Variants in USP42 observed in about 807,000 individuals in gnomAD.
USP42 encodes the protein ubiquitin carboxyl-terminal hydrolase 42.
In USP42, 23 loss-of-function variants were observed where a neutral mutation model predicts 113.0. The observed-to-expected ratio is 0.20, with a 90% CI of 0.15 to 0.29. The LOEUF is 0.29. USP42 is among the 10% of genes least tolerant of loss of function. USP42 has a pLI of 1.00. For synonymous variants in USP42, 933 were observed against 699.0 expected (o/e 1.33, Z -5.28); for missense variants, 2,174 against 1,779.8 (o/e 1.22, Z -3.99).
chr7:6,149,498 G>A, intron 12 of USP42, 85 bp from the exon 13 acceptor site: 3 of 1,467,968 alleles, frequency 2.0e-6, no homozygotes, highest in Non-Finnish European at 2.7e-6. Context: ...AAAGCAAAAT[G>A]GGAAGGACCC....
In USP42 at chr7:6,155,008, C is replaced by G; in HGVS notation, c.3454C>G (p.His1152Asp). The G allele has an allele frequency of 6.4e-7, 1 of 1,564,622 alleles. No homozygotes were observed. Among genetic ancestry groups the G allele is most frequent in the Non-Finnish European group, 8.7e-7 (1 of 1,154,278 alleles). The stretch of plus-strand genomic sequence containing the variant: ...CAACTGTAACCTCTCTGATCGGTTT[C>G]ACGAACACGAAAATGGAAAGTCCCG... ...GDNCNLSDRF[H>D]EHENGKSRKR... The change falls in exon 15 of 18, where the codon CAC becomes GAC. Residue 1152 changes from histidine to aspartate, a missense_variant. Transcript: ENST00000306177.
At position 6,156,964 on chromosome 7, in the gene USP42, T is replaced by C; in HGVS notation, c.3852T>C (p.Pro1284=). The change falls in exon 16 of 18, where the codon CCT becomes CCC. Residue 1284 remains proline (P), a synonymous_variant. Coordinates refer to ENST00000306177, the MANE Select transcript of USP42 (RefSeq NM_032172.3). The part of the protein sequence containing the change: ...QGGFPLSGGP[P]LEGVGPFREK... ...GCTTTCCTCTCTCTGGTGGCCCGCC[T>C]CTGGAAGGCGTCGGACCTTTCCGTG... 6.2e-7 allele frequency: 1 copy of C among 1,613,826 alleles called. No homozygotes were observed. The highest frequency in any genetic ancestry group is 8.5e-7 in the Non-Finnish European group (1 of 1,179,818).
rs1432872547 is a variant in USP42, at chr7:6,157,757, G to A, written c.3943+702G>A. ...TTTGCTCGCTTGGTTCCTTAGAAGCGTGGGCACCAGCCTCTGCTTGAGTGA... is the reference window on the plus strand; with the variant it reads ...TTTGCTCGCTTGGTTCCTTAGAAGCATGGGCACCAGCCTCTGCTTGAGTGA... On this transcript the variant is annotated intron_variant, in intron 16 of 17. Transcript: ENST00000306177. This position sits in a 1 kb window ranked among gnomAD's most constrained non-coding sequence, Gnocchi z 4.1. Among the ~76,000 whole-genome samples, 1 of 152,192 alleles carries A rather than the reference G, an allele frequency of 6.6e-6. No individual in the cohort carries two copies. Among genetic ancestry groups the A allele is most frequent in the South Asian group, 2.1e-4 (1 of 4,828 alleles).
chr7:6,095,035 G>A, the USP42 span, among the ~76,000 whole-genome samples: 7 of 151,244 alleles, frequency 4.6e-5, no homozygotes, highest in East Asian at 1.2e-3. Flanking sequence ...GGATCTGCCC[G>A]TCTGGGCCTC....
chr7:6,120,650 C>G lies in USP42; in HGVS notation c.442+5127C>G, dbSNP rs142567972. Among the ~76,000 whole-genome samples, 126 of 152,358 alleles carry G rather than the reference C, an allele frequency of 8.3e-4. 1 individual carries two copies. The highest frequency in any genetic ancestry group is 1.5e-3 in the Non-Finnish European group (104 of 68,036). On this transcript the variant is annotated intron_variant, in intron 3 of 17. Transcript: ENST00000306177. ...CCAGGCTGGAGTGCAGTGGCACAATCTCGGCTCACTGCACCCTCTGCCTTC... is the reference window on the plus strand; with the variant it reads ...CCAGGCTGGAGTGCAGTGGCACAATGTCGGCTCACTGCACCCTCTGCCTTC...
In USP42 at chr7:6,154,509, C is replaced by A. The variant is rs1456679000; in HGVS notation, c.2955C>A (p.Pro985=). The change falls in exon 15 of 18, where the codon CCC becomes CCA. Residue 985 remains proline, a synonymous_variant. Coordinates refer to ENST00000306177, the MANE Select transcript of USP42 (RefSeq NM_032172.3). ...GHRHRRRRTC[P]RERDRQDRHA... ...GTCACCGGCGGCGCCGCACCTGCCC[C>A]CGGGAGCGCGACCGCCAGGACCGCC... 3.2e-6 allele frequency: 5 copies of A among 1,541,970 alleles called. No individual in the cohort carries two copies. Among genetic ancestry groups the A allele is most frequent in the Non-Finnish European group, 4.4e-6 (5 of 1,143,994 alleles).
upstream of USP42, among the ~76,000 whole-genome samples, chr7:6,101,871 G>A (rs1790136667): frequency 6.7e-6 from 1 of 149,312 alleles, no homozygotes; most frequent in Non-Finnish European, 1.5e-5. Context: ...TTGAGGCCAG[G>A]AGTTCGAGTC....
chr7:6,150,139 C>T lies in USP42; in HGVS notation c.1943C>T (p.Pro648Leu), dbSNP rs765785263. 105 of 1,613,342 alleles carry T rather than the reference C, an allele frequency of 6.5e-5. No homozygotes were observed. Among genetic ancestry groups the T allele is most frequent in the Admixed American group, 3.5e-4 (21 of 59,920 alleles). Residue 648 changes from proline (P) to leucine (L), a missense_variant, in exon 13 of 18, where the codon CCG (proline) becomes CTG (leucine). Physicochemically the swap from Pro to Leu is moderately conservative, Grantham distance 98. Transcript: ENST00000306177. ...GQDAEDEEAT[P>L]HELQEPMTLN... is the part of the protein sequence containing the mutation. ...GATGCCGAAGATGAGGAGGCCACTCCGCACGAGCTTCAAGAACCCATGACC... is the reference window on the plus strand; with the variant it reads ...GATGCCGAAGATGAGGAGGCCACTCTGCACGAGCTTCAAGAACCCATGACC...
At chr7:6,144,305 A>G in intron 9 of USP42, 109 bp downstream of exon 9, 1 of 677,882 alleles carries the variant, frequency 1.5e-6, no homozygotes. Context: ...AAAATTGCTA[A>G]CTATTACCTA....
intron 1 of USP42, 90 bp from the exon 2 acceptor site, chr7:6,111,035 G>T (rs1024227064): frequency 1.0e-5 from 14 of 1,337,208 alleles, no homozygotes; most frequent in Admixed American, 2.7e-5. Flanking sequence ...CTTTAAAATG[G>T]CTGGAATGAT....
At chr7:6,120,032 C>G (rs1780129430) in intron 3 of USP42, among the ~76,000 whole-genome samples, 1 of 152,186 alleles carries the variant, frequency 6.6e-6, no homozygotes, top group Non-Finnish European at 1.5e-5. Context: ...GTGGCGCTGT[C>G]TCGGCTCACT....
intron 3 of USP42, among the ~76,000 whole-genome samples, chr7:6,119,284 G>T (rs1312853136): frequency 6.6e-6 from 1 of 152,084 alleles, no homozygotes; most frequent in Non-Finnish European, 1.5e-5. Context: ...TGTAGCCTGG[G>T]CAACATTGTG....
Position 6,159,845 on chromosome 7 carries a change from C to T in USP42, c.*36+352C>T, listed in dbSNP as rs1181803458. On this transcript the variant is annotated intron_variant, in intron 17 of 17. Transcript: ENST00000306177. The surrounding 1 kb of genome is among the most constrained non-coding windows in gnomAD (Gnocchi z 4.1). ...ACATCTGGGAAGGGAGAGGCCCGGT[C>T]CCCAGCACAGGCACCTCACTCAGGA... Among the ~76,000 whole-genome samples, 1 of 152,238 alleles carries T rather than the reference C, an allele frequency of 6.6e-6. No individual in the cohort carries two copies. The highest frequency in any genetic ancestry group is 6.5e-5 in the Admixed American group (1 of 15,284).
At position 6,116,980 on chromosome 7, in the gene USP42, TCCTC is replaced by T. The variant is rs979384454; in HGVS notation, c.442+1469_442+1472del. 8.8e-5 allele frequency: 39 copies of T among 440,700 alleles called. No homozygotes were observed. The Admixed American group carries it at 1.1e-3, about 12-fold the overall frequency. The allele number at this position is 440,700 out of a possible 1,614,324, so 27.3% of individuals were successfully genotyped here. On this transcript the variant is annotated intron_variant, in intron 3 of 17. Coordinates refer to ENST00000306177, the MANE Select transcript of USP42 (RefSeq NM_032172.3). ...GCTACTGGTAGTTTTTGTGCTTGCT[TCCTC>T]CCTCCCTCCCTTCCTCCCTCTCTTT...
Position 6,119,561 on chromosome 7 carries a change from C to T in USP42, c.442+4038C>T, listed in dbSNP as rs114157959. Among the ~76,000 whole-genome samples the T allele has an allele frequency of 6.1e-3, 930 of 152,304 alleles. 8 individuals are homozygous for T. The highest frequency in any genetic ancestry group is 0.021 in the African/African-American group (892 of 41,562). Reference sequence around the variant, plus strand: ...TTTAGAATCACTTTGTGAATTTCTACAAATAATCTTCCTGGTATTTTGATT... The same window carrying T: ...TTTAGAATCACTTTGTGAATTTCTATAAATAATCTTCCTGGTATTTTGATT... On this transcript the variant is annotated intron_variant, in intron 3 of 17. Coordinates refer to ENST00000306177, the MANE Select transcript of USP42 (RefSeq NM_032172.3).
At position 6,111,345 on chromosome 7, in the gene USP42, A is replaced by G; in HGVS notation, c.212A>G (p.Lys71Arg). 1 of 1,611,586 alleles carries G rather than the reference A, an allele frequency of 6.2e-7. No individual in the cohort carries two copies. The highest frequency in any genetic ancestry group is 1.3e-5 in the African/African-American group (1 of 75,032). The change falls in exon 2 of 18, where the codon AAA becomes AGA. Residue 71 changes from lysine (K) to arginine (R), a missense_variant. By Grantham distance (26) the Lys-to-Arg change is conservative. Transcript: ENST00000306177. ...TATTCGAGTTCATCTGTACCTGATA[A>G]ATCAAAACCATCACCACAAAAGGAT... ...VVYSSSSVPDKSKPSPQKDQA... is the reference protein window; with the variant it reads ...VVYSSSSVPDRSKPSPQKDQA...
chr7:6,093,439 C>T, the USP42 span, among the ~76,000 whole-genome samples: 4 of 150,686 alleles, frequency 2.7e-5, no homozygotes, highest in Admixed American at 1.3e-4. Context: ...GCATGCACCA[C>T]CATGCTCGGG....
rs1463888196 is a variant in USP42, at chr7:6,154,837, G to A, written c.3283G>A (p.Asp1095Asn). 1 of 1,539,278 alleles carries A rather than the reference G, an allele frequency of 6.5e-7. No individual in the cohort carries two copies. Among genetic ancestry groups the A allele is most frequent in the Admixed American group, 2.0e-5 (1 of 50,360 alleles). The change falls in exon 15 of 18, where the codon GAC becomes AAC. Residue 1095 changes from aspartate to asparagine, a missense_variant. Coordinates refer to ENST00000306177, the MANE Select transcript of USP42 (RefSeq NM_032172.3). ...CGGGCTGCACGAGCGGCCGCACAAG[G>A]ACCACAACCGGGGCCGTAGGGGCTG... ...RAGLHERPHK[D>N]HNRGRRGCEP...
At chr7:6,096,034 T>G in the USP42 span, among the ~76,000 whole-genome samples, 1 of 151,018 alleles carries the variant, frequency 6.6e-6, no homozygotes, top group Admixed American at 6.6e-5. Context: ...GCATTGGGAT[T>G]CCAGGTCTGA....
Sources: gnomAD v4.1 joint callset for allele counts (sites outside exome capture counted in the v4.1 genomes callset) on GRCh38, gnomAD v4.1.1 for gene constraint, Gnocchi (gnomAD v3.1) non-coding constraint, MANE v1.5 for transcripts, NCBI Gene and HGNC (gene_info 2026-07-23, HGNC 2026-07-21) for gene names.